Variants in CPNE2 observed in about 807,000 individuals in gnomAD.
CPNE2 encodes the protein copine-2.
In CPNE2, 42 loss-of-function variants were observed where a neutral mutation model predicts 69.7. The ratio of observed to expected loss-of-function variants is 0.60; its 90% confidence interval spans 0.47 to 0.78. The LOEUF (loss-of-function observed/expected upper bound fraction) is 0.78. Ranked by LOEUF, CPNE2 falls within the 30% of genes least tolerant of loss-of-function variation. CPNE2 has a pLI of 0.00. For synonymous variants in CPNE2, 294 were observed against 289.8 expected (o/e 1.01, Z -0.15); for missense variants, 587 against 732.0 (o/e 0.80, Z 2.29).
chr16:57,143,680 G>C (rs1230652625), intron 14 of CPNE2: 1 of 152,400 alleles, frequency 6.6e-6, no homozygotes, highest in Non-Finnish European at 1.5e-5. Flanking sequence ...TGCTGTCACT[G>C]TGTGGTATCA....
intron 8 of CPNE2, 56 bp from the exon 9 acceptor site, chr16:57,121,618 G>A (rs570858797): frequency 4.6e-6 from 7 of 1,529,646 alleles, no homozygotes; most frequent in East Asian, 4.5e-5. Flanking sequence ...CCAAGGAGGA[G>A]GATCTGTTTC....
chr16:57,134,642 G>A lies in CPNE2; in HGVS notation c.1117-133G>A, dbSNP rs575639958. The A allele has an allele frequency of 4.5e-4, 398 of 882,866 alleles. 4 individuals carry two copies. The African/African-American group carries it at 6.0e-3, about 13-fold the overall frequency. 54.7% of individuals were successfully genotyped at this position (882,866 alleles called of 1,614,324 possible). A position where few individuals can be genotyped will look rare whatever the true frequency, so the allele number is the denominator to read the frequency against. On this transcript the variant is annotated intron_variant, in intron 12 of 15. Coordinates refer to ENST00000290776, the MANE Select transcript of CPNE2 (RefSeq NM_152727.6). ...AAAAGCAGATGTGGGGGGTATCAGT[G>A]GCCTAGAGGAGGGTAGGGGTGGGGG...
chr16:57,137,899 C>T (rs2069894832), intron 14 of CPNE2, among the ~76,000 whole-genome samples: 1 of 152,236 alleles, frequency 6.6e-6, no homozygotes, highest in South Asian at 2.1e-4. Context: ...CCAAAGGTCA[C>T]CTTGCCCACC....
At chr16:57,098,076 G>T (rs1157457760) in intron 1 of CPNE2, among the ~76,000 whole-genome samples, 2 of 152,048 alleles carry the variant, frequency 1.3e-5, no homozygotes, top group Admixed American at 6.5e-5. Context: ...GCTGAACCTG[G>T]GGCCTGGGAG....
Position 57,137,238 on chromosome 16 carries a change from G to T in CPNE2, c.1258G>T (p.Val420Leu). The change falls in exon 14 of 16, where the codon GTG becomes TTG. Residue 420 changes from valine to leucine, a missense_variant. By Grantham distance (32) the Val-to-Leu change is conservative (BLOSUM62 1). Transcript: ENST00000290776. ...CAATTTCTCCCCCATCGTCAACCAC[G>T]TGGCCCGGTTTGCGGCCCAGGCCAC... is the stretch of plus-strand genomic sequence containing the variant. Reference protein sequence around the residue: ...PTNFSPIVNHVARFAAQATQQ... With the variant: ...PTNFSPIVNHLARFAAQATQQ... 1 of 1,614,206 alleles carries T rather than the reference G, an allele frequency of 6.2e-7. No individual in the cohort carries two copies. Among genetic ancestry groups the T allele is most frequent in the Non-Finnish European group, 8.5e-7 (1 of 1,180,032 alleles).
chr16:57,103,328 G>A (rs1413646061), intron 1 of CPNE2, among the ~76,000 whole-genome samples: 1 of 147,092 alleles, frequency 6.8e-6, no homozygotes. Context: ...TCACTGTGTT[G>A]CCCCAGGCTG....
chr16:57,124,063 C>CT (rs1307762987), intron 10 of CPNE2: 1 of 177,494 alleles, frequency 5.6e-6, no homozygotes, highest in Non-Finnish European at 1.2e-5. Flanking sequence ...TTCCTATTTT[C>CT]TTTCTTTTCT....
At chr16:57,104,512 G>T (rs551154433) in intron 1 of CPNE2, among the ~76,000 whole-genome samples, 5 of 152,302 alleles carry the variant, frequency 3.3e-5, no homozygotes, top group Admixed American at 3.3e-4. Flanking sequence ...ATGTGTGCAG[G>T]GGGAGGTGGC....
Position 57,110,937 on chromosome 16 carries a change from T to C in CPNE2, c.180+15T>C. On this transcript the variant is annotated intron_variant, in intron 2 of 15. Coordinates refer to ENST00000290776, the MANE Select transcript of CPNE2 (RefSeq NM_152727.6). ...GATGGATCGAGGTGAGGCTCTTCCG[T>C]GTGTCTGCGGTGGGTAAGGGGGTGG... 3.1e-6 allele frequency: 5 copies of C among 1,605,714 alleles called. No individual in the cohort carries two copies. Among genetic ancestry groups the C allele is most frequent in the Non-Finnish European group, 4.3e-6 (5 of 1,175,542 alleles).
chr16:57,118,908 G>A (rs1010449454), intron 5 of CPNE2, among the ~76,000 whole-genome samples: 3 of 152,084 alleles, frequency 2.0e-5, no homozygotes, highest in Admixed American at 1.3e-4. Flanking sequence ...CTAAAATGCC[G>A]GAGTTCTGAC....
Position 57,123,395 on chromosome 16 carries a change from C to T in CPNE2, c.868-19C>T, listed in dbSNP as rs1376805364. 6.2e-7 allele frequency: 1 copy of T among 1,612,192 alleles called. No individual in the cohort carries two copies. The highest frequency in any genetic ancestry group is 1.1e-5 in the South Asian group (1 of 91,090). ...TGACCAAGTCAAGGGGACCCACTGA[C>T]TCATCCGCTTTCTTCCAGATAAACC... On this transcript the variant is annotated intron_variant, in intron 9 of 15. Transcript: ENST00000290776.
At chr16:57,109,645 G>A (rs1034231733) in intron 1 of CPNE2, among the ~76,000 whole-genome samples, 19 of 152,194 alleles carry the variant, frequency 1.2e-4, no homozygotes, top group African/African-American at 4.3e-4. Context: ...GTCACTTCCT[G>A]ATGTTGCCAT....
chr16:57,142,121 C>T (rs1242830292), intron 14 of CPNE2: 1 of 152,306 alleles, frequency 6.6e-6, no homozygotes, highest in African/African-American at 2.4e-5. Flanking sequence ...TTCTGTGTAG[C>T]ACTGGGGAGA....
chr16:57,136,692 T>A (rs867001232), intron 13 of CPNE2, among the ~76,000 whole-genome samples: 24 of 152,174 alleles, frequency 1.6e-4, no homozygotes, highest in Middle Eastern at 3.2e-3. Flanking sequence ...AGTGGGCAGA[T>A]AACCTGAGGT....
rs1170223475 is a variant in CPNE2 at position 57,109,475 on chromosome 16, CAA to C, written c.-35-1218_-35-1217del. ...TGGGTGACAGAGCCAGACTCTGCCT[CAA>C]AAAAAAAAAAAAAAGAAAGTAAAGG... On this transcript the variant is annotated intron_variant, in intron 1 of 15. Transcript: ENST00000290776. Among the ~76,000 whole-genome samples, 32 of 94,560 alleles carry C rather than the reference CAA, an allele frequency of 3.4e-4. 1 individual carries two copies. The highest frequency in any genetic ancestry group is 1.4e-3 in the South Asian group (4 of 2,876). The allele number at this position is 94,560 out of a possible 152,430, so 62.0% of individuals were successfully genotyped here.
At chr16:57,140,803 G>A (rs569333475) in intron 14 of CPNE2, 1 of 150,626 alleles carries the variant, frequency 6.6e-6, no homozygotes, top group East Asian at 1.9e-4. Flanking sequence ...GACCTCAACT[G>A]ATCTGCCCAC....
At chr16:57,101,805 C>T (rs778451229) in intron 1 of CPNE2, among the ~76,000 whole-genome samples, 3 of 152,200 alleles carry the variant, frequency 2.0e-5, no homozygotes, top group East Asian at 1.9e-4. Context: ...AGATGCCCCA[C>T]GTACTCAGCT....
intron 13 of CPNE2, among the ~76,000 whole-genome samples, chr16:57,135,239 T>C (rs536672642): frequency 6.6e-6 from 1 of 151,996 alleles, no homozygotes; most frequent in East Asian, 1.9e-4. Flanking sequence ...GCCCCCTTGC[T>C]GGGAAGGCCA....
intron 3 of CPNE2, among the ~76,000 whole-genome samples, chr16:57,114,939 A>AAAG (rs1193714452): frequency 2.0e-5 from 3 of 147,218 alleles, no homozygotes; most frequent in East Asian, 2.0e-4. Context: ...TCTACCAAAA[A>AAAG]AAAAAAAAAA....
Sources: allele counts gnomAD v4.1 joint callset (sites outside exome capture counted in the v4.1 genomes callset), GRCh38; gene constraint gnomAD v4.1.1; transcripts MANE v1.5; gene names NCBI Gene and HGNC (gene_info 2026-07-23, HGNC 2026-07-21).